Variants in CADPS2 observed in about 807,000 individuals in gnomAD.
The protein encoded by CADPS2 is calcium dependent secretion activator 2, also known as calcium-dependent secretion activator 2.
Under a neutral mutation model 172.5 loss-of-function variants are expected in CADPS2, and 93 were observed. The observed-to-expected ratio is 0.54, with a 90% confidence interval of 0.46 to 0.64. The LOEUF is 0.64. Among genes scored for constraint, CADPS2 ranks in the 30% least tolerant of loss-of-function variants. The pLI is 0.00. For synonymous variants in CADPS2, 546 were observed against 555.2 expected (o/e 0.98, Z 0.23); for missense variants, 1,420 against 1,565.9 (o/e 0.91, Z 1.57).
intron 2 of CADPS2, among the ~76,000 whole-genome samples, chr7:122,705,278 A>G (rs1218389237): frequency 1.3e-5 from 2 of 151,326 alleles, no homozygotes; most frequent in African/African-American, 2.4e-5. Context: ...GAGAGACTGG[A>G]TGATTGAGGC....
chr7:122,694,371 G>A (rs1211538468), intron 2 of CADPS2, among the ~76,000 whole-genome samples: 1 of 152,216 alleles, frequency 6.6e-6, no homozygotes, highest in Non-Finnish European at 1.5e-5. Flanking sequence ...AAAGATGACA[G>A]AACATGATGT....
At chr7:122,690,975 T>C (rs2084275935) in intron 2 of CADPS2, among the ~76,000 whole-genome samples, 2 of 152,096 alleles carry the variant, frequency 1.3e-5, no homozygotes, top group Admixed American at 6.5e-5. Context: ...AGGTGCAGAT[T>C]CTAGGTGTAC....
At chr7:122,645,270 CAT>C (rs1310479145) in intron 3 of CADPS2, among the ~76,000 whole-genome samples, 5 of 138,062 alleles carry the variant, frequency 3.6e-5, no homozygotes, top group East Asian at 2.2e-4. Context: ...TATACATGTA[CAT>C]ATATACACAC....
chr7:122,706,429 A>T (rs2136493503), intron 2 of CADPS2, among the ~76,000 whole-genome samples: 1 of 139,628 alleles, frequency 7.2e-6, no homozygotes, highest in African/African-American at 2.6e-5. Flanking sequence ...ATATTCAAGG[A>T]ATATATATAT....
chr7:122,648,976 T>C (rs1483450780), intron 3 of CADPS2, among the ~76,000 whole-genome samples: 1 of 152,100 alleles, frequency 6.6e-6, no homozygotes, highest in Non-Finnish European at 1.5e-5. Context: ...CACAGTAGGG[T>C]GAGGCTACCT....
chr7:122,321,163 A>T (rs2150670045), intron 29 of CADPS2, among the ~76,000 whole-genome samples: 1 of 152,024 alleles, frequency 6.6e-6, no homozygotes. Context: ...TGATTGATTG[A>T]TTGACTGATT....
At chr7:122,744,701 G>C (rs374120928) in intron 1 of CADPS2, among the ~76,000 whole-genome samples, 2 of 152,088 alleles carry the variant, frequency 1.3e-5, no homozygotes, top group East Asian at 1.9e-4. Context: ...TAAGTGATAA[G>C]TACAGAACAG....
intron 1 of CADPS2, among the ~76,000 whole-genome samples, chr7:122,831,064 G>GA (rs1806389492): frequency 6.6e-6 from 1 of 152,178 alleles, no homozygotes; most frequent in Non-Finnish European, 1.5e-5. Context: ...TACTGAAAGA[G>GA]AAAGAGAAGT....
chr7:122,514,042 T>C (rs541312370), intron 8 of CADPS2, among the ~76,000 whole-genome samples: 3 of 152,270 alleles, frequency 2.0e-5, no homozygotes, highest in Non-Finnish European at 2.9e-5. Context: ...TTGAGAATAT[T>C]ATTCTTACTG....
At chr7:122,422,388 G>C (rs760974177) in intron 17 of CADPS2, among the ~76,000 whole-genome samples, 5 of 152,126 alleles carry the variant, frequency 3.3e-5, no homozygotes, top group Non-Finnish European at 7.4e-5. Context: ...TACTCTTGTG[G>C]ACTGCTTGCT....
chr7:122,638,394 G>C (rs556455230), intron 3 of CADPS2, among the ~76,000 whole-genome samples: 101 of 152,314 alleles, frequency 6.6e-4, no homozygotes, highest in African/African-American at 1.9e-3. Flanking sequence ...GTTAGGAGCA[G>C]GATGAGTGGA....
intron 1 of CADPS2, among the ~76,000 whole-genome samples, chr7:122,885,475 T>C (rs1824085863): frequency 6.6e-6 from 1 of 152,068 alleles, no homozygotes; most frequent in Non-Finnish European, 1.5e-5. Context: ...GGAAACGTAT[T>C]AATTTAACTT....
chr7:122,544,816 G>A (rs1314637602), intron 8 of CADPS2, among the ~76,000 whole-genome samples: 1 of 152,162 alleles, frequency 6.6e-6, no homozygotes, highest in Non-Finnish European at 1.5e-5. Flanking sequence ...CACAAGGTAT[G>A]AATTTAGGAA....
chr7:122,431,030 T>C (rs934600676), intron 17 of CADPS2, among the ~76,000 whole-genome samples: 1 of 152,192 alleles, frequency 6.6e-6, no homozygotes, highest in African/African-American at 2.4e-5. Context: ...GATCCAGCAT[T>C]AGTGCTTCCC....
At chr7:122,826,502 C>T (rs1804914035) in intron 1 of CADPS2, among the ~76,000 whole-genome samples, 1 of 151,536 alleles carries the variant, frequency 6.6e-6, no homozygotes, top group Non-Finnish European at 1.5e-5. Flanking sequence ...ATTTATCTGA[C>T]AAAGATTTTA....
At chr7:122,437,272 G>A (rs1188623280) in intron 17 of CADPS2, among the ~76,000 whole-genome samples, 1 of 152,090 alleles carries the variant, frequency 6.6e-6, no homozygotes, top group African/African-American at 2.4e-5. Context: ...TTACTCTCGT[G>A]ATATAATGTT....
At chr7:122,833,676 A>G (rs984104182) in intron 1 of CADPS2, among the ~76,000 whole-genome samples, 1 of 152,168 alleles carries the variant, frequency 6.6e-6, no homozygotes, top group African/African-American at 2.4e-5. Flanking sequence ...GGTTACAGAC[A>G]TGAGCCACCA....
rs1824396693 is a variant in CADPS2, at chr7:122,886,401, C to T, written c.-64G>A. 1 of 1,455,258 alleles carries T rather than the reference C, an allele frequency of 6.9e-7. No individual in the cohort carries two copies. Among genetic ancestry groups the T allele is most frequent in the Non-Finnish European group, 9.0e-7 (1 of 1,115,486 alleles). The allele number at this position is 1,455,258 out of a possible 1,614,324, so 90.1% of individuals were successfully genotyped here. Reference sequence around the variant, plus strand: ...AAGCGCCTCACCCCCGGCGGCTGCGCCCGCGGGTCTGAGGGAGCCGCGGGG... The same window carrying T: ...AAGCGCCTCACCCCCGGCGGCTGCGTCCGCGGGTCTGAGGGAGCCGCGGGG... On this transcript the variant is annotated 5_prime_UTR_variant, in exon 1 of 30. Transcript: ENST00000449022.
chr7:122,712,545 G>T (rs2088916254), intron 2 of CADPS2, among the ~76,000 whole-genome samples: 2 of 152,074 alleles, frequency 1.3e-5, no homozygotes, highest in African/African-American at 4.8e-5. Flanking sequence ...TGTACCCAGG[G>T]ATTCAAAGAT....
Sources: gnomAD v4.1 joint callset for allele counts (sites outside exome capture counted in the v4.1 genomes callset) on GRCh38, gnomAD v4.1.1 for gene constraint, MANE v1.5 for transcripts, NCBI Gene and HGNC (gene_info 2026-07-23, HGNC 2026-07-21) for gene names.